CAMK1: variants seen among roughly 807,000 people sequenced by gnomAD.
The protein encoded by CAMK1 is calcium/calmodulin-dependent protein kinase type 1.
CAMK1 carries 39 observed loss-of-function variants against 49.1 expected under a neutral mutation model. The observed-to-expected ratio is 0.79, with a 90% CI of 0.62 to 1.04. The LOEUF (loss-of-function observed/expected upper bound fraction) is 1.04. CAMK1 is among the 50% of genes least tolerant of loss of function. The probability of loss-of-function intolerance (pLI) is 0.00; values close to 1 mark genes in which losing one functional copy is unlikely to be tolerated. For synonymous variants in CAMK1, 192 were observed against 185.2 expected (o/e 1.04, Z -0.30); for missense variants, 457 against 472.2 (o/e 0.97, Z 0.30).
In CAMK1 at chr3:9,763,197, T is replaced by G. The variant is rs760931282; in HGVS notation, c.232A>C (p.Ile78Leu). 1.2e-6 allele frequency: 2 copies of G among 1,613,848 alleles called. No individual in the cohort carries two copies. The highest frequency in any genetic ancestry group is 3.3e-5 in the Admixed American group (2 of 60,014). The stretch of plus-strand genomic sequence containing the variant: ...TCATAGATGTCATCCAGGGCTACAA[T>G]GTTGGGGTGCTTGATCCTGAAAGGA... ...AVLHKIKHPNIVALDDIYESG... is the reference protein window; with the variant it reads ...AVLHKIKHPNLVALDDIYESG... The change falls in exon 4 of 12, where the codon ATT becomes CTT. Residue 78 changes from isoleucine to leucine, a missense_variant. Ile to Leu is a conservative substitution (Grantham distance 5). Coordinates refer to ENST00000256460, the MANE Select transcript of CAMK1 (RefSeq NM_003656.5).
chr3:9,766,601 T>C (rs1169746641), intron 2 of CAMK1: 4 of 1,041,734 alleles, frequency 3.8e-6, no homozygotes, highest in Non-Finnish European at 3.6e-6. Flanking sequence ...TAAGAAGCAG[T>C]GTTTTAGAAC....
Position 9,765,763 on chromosome 3 carries a change from G to T in CAMK1, c.211C>A (p.His71Asn). 1 of 1,613,974 alleles carries T rather than the reference G, an allele frequency of 6.2e-7. No individual in the cohort carries two copies. Residue 71 changes from histidine (H) to asparagine (N), a missense_variant, in exon 3 of 12, where the codon CAC (histidine) becomes AAC (asparagine). Transcript: ENST00000256460. Reference protein sequence around the residue: ...GSMENEIAVLHKIKHPNIVAL... With the variant: ...GSMENEIAVLNKIKHPNIVAL... ...GAAAGGCTGTGGCCCACGCACTTGTGCAGGACAGCAATCTCATTCTCCATG... is the reference window on the plus strand; with the variant it reads ...GAAAGGCTGTGGCCCACGCACTTGTTCAGGACAGCAATCTCATTCTCCATG...
intron 2 of CAMK1, chr3:9,766,304 A>G (rs2078149605): frequency 1.4e-6 from 1 of 698,688 alleles, no homozygotes; most frequent in East Asian, 2.7e-5. Context: ...CTCTGGATCC[A>G]GCCATGCCTG....
chr3:9,761,401 G>A, intron 7 of CAMK1, 60 bp downstream of exon 7: 1 of 1,540,780 alleles, frequency 6.5e-7, no homozygotes, highest in Non-Finnish European at 8.8e-7. Flanking sequence ...AAGGAAGAGA[G>A]GAAAGTAGGC....
intron 7 of CAMK1, 109 bp from the exon 8 acceptor site, chr3:9,760,877 C>G: frequency 6.6e-7 from 1 of 1,508,678 alleles, no homozygotes; most frequent in Non-Finnish European, 9.0e-7. Context: ...AAGGAGTTCC[C>G]CCTTTATAAA....
In CAMK1 at chr3:9,757,625, C is replaced by T; in HGVS notation, c.1031-4G>A. ...CAGCAACAGCCAGCTGCCGGCCCTG[C>T]ATGGGAAGACAGAACAGAGGTGGCC... On this transcript the variant is annotated splice_polypyrimidine_tract_variant and splice_region_variant and intron_variant, in intron 11 of 11. Coordinates refer to ENST00000256460, the MANE Select transcript of CAMK1 (RefSeq NM_003656.5). This position sits in a 1 kb window ranked among gnomAD's most constrained non-coding sequence, Gnocchi z 4.5. 1 of 1,614,174 alleles carries T rather than the reference C, an allele frequency of 6.2e-7. No individual in the cohort carries two copies. Among genetic ancestry groups the T allele is most frequent in the Admixed American group, 1.7e-5 (1 of 60,018 alleles).
intron 1 of CAMK1, among the ~76,000 whole-genome samples, chr3:9,769,206 AAC>A (rs917107309): frequency 6.6e-6 from 1 of 151,126 alleles, no homozygotes; most frequent in Non-Finnish European, 1.5e-5. Context: ...TACACCCCAA[AAC>A]ACACATCCAC....
rs762000589 is a variant in CAMK1, at chr3:9,765,885, G to T, written c.89C>A (p.Ala30Asp). The T allele has an allele frequency of 1.2e-6, 2 of 1,614,028 alleles. No individual in the cohort carries two copies. Among genetic ancestry groups the T allele is most frequent in the Non-Finnish European group, 1.7e-6 (2 of 1,180,002 alleles). Residue 30 changes from alanine (A) to aspartate (D), a missense_variant, in exon 3 of 12, where the codon GCC (alanine) becomes GAC (aspartate). By Grantham distance (126) the Ala-to-Asp change is moderately radical. Coordinates refer to ENST00000256460, the MANE Select transcript of CAMK1 (RefSeq NM_003656.5). ...TTCTGCCAGGATCACCTCCGAGAAG[G>T]CCCCCCTATCGGGAGAGGGGATTCA... ...YDFRDVLGTG[A>D]FSEVILAEDK...
At chr3:9,769,547 C>G (rs1209178946) in intron 1 of CAMK1, among the ~76,000 whole-genome samples, 1 of 152,200 alleles carries the variant, frequency 6.6e-6, no homozygotes, top group East Asian at 1.9e-4. Context: ...CAAGCCCCCC[C>G]ACCCCATGGA....
At chr3:9,767,019 C>T (rs1415204357) in intron 2 of CAMK1, among the ~76,000 whole-genome samples, 1 of 152,134 alleles carries the variant, frequency 6.6e-6, no homozygotes, top group Non-Finnish European at 1.5e-5. Context: ...ATTTTAAGCT[C>T]CATCACACTC....
rs756959576 is a variant in CAMK1 at position 9,765,935 on chromosome 3, C to T, written c.84-45G>A. On this transcript the variant is annotated intron_variant, in intron 2 of 11. Coordinates refer to ENST00000256460, the MANE Select transcript of CAMK1 (RefSeq NM_003656.5). ...ACAAGGTGAAGAACTGGAACCCCAG[C>T]TTCCCTCCAGCCTCTCCTCCATTCC... 12 of 1,614,074 alleles carry T rather than the reference C, an allele frequency of 7.4e-6. No individual in the cohort carries two copies. The Admixed American group carries it at 1.8e-4, about 25-fold the overall frequency.
At chr3:9,761,569 T>C in intron 6 of CAMK1, 33 bp from the exon 7 acceptor site, 1 of 1,613,074 alleles carries the variant, frequency 6.2e-7, no homozygotes, top group Non-Finnish European at 8.5e-7. Flanking sequence ...TGGTGACAAA[T>C]CTCTGCCCTT....
At chr3:9,764,618 T>A (rs539871213) in intron 3 of CAMK1, among the ~76,000 whole-genome samples, 1 of 103,182 alleles carries the variant, frequency 9.7e-6, no homozygotes, top group Non-Finnish European at 1.9e-5. Flanking sequence ...GGCGTTTTTG[T>A]TTTTTTTTTG....
rs139097636 is a variant in CAMK1, at chr3:9,759,735, C to T, written c.761G>A (p.Arg254Gln). The T allele has an allele frequency of 1.9e-5, 31 of 1,613,982 alleles. No individual in the cohort carries two copies. Among genetic ancestry groups the T allele is most frequent in the Admixed American group, 6.7e-5 (4 of 59,978 alleles). ...CTCTGGGTCCTTCTCCATCAAGTGCCGGATGAAATCTTTGGCTAAACCCCC... is the reference window on the plus strand; with the variant it reads ...CTCTGGGTCCTTCTCCATCAAGTGCTGGATGAAATCTTTGGCTAAACCCCC... ...DISDSAKDFI[R>Q]HLMEKDPEKR... The change falls in exon 9 of 12, where the codon CGG (arginine) becomes CAG (glutamine). Residue 254 changes from arginine (R) to glutamine (Q), a missense_variant. By Grantham distance (43) the Arg-to-Gln change is conservative. Coordinates refer to ENST00000256460, the MANE Select transcript of CAMK1 (RefSeq NM_003656.5).
Position 9,762,957 on chromosome 3 carries a change from A to G in CAMK1, c.386T>C (p.Val129Ala), listed in dbSNP as rs761876706. 6.2e-7 allele frequency: 1 copy of G among 1,614,062 alleles called. No individual in the cohort carries two copies. Among genetic ancestry groups the G allele is most frequent in the Non-Finnish European group, 8.5e-7 (1 of 1,180,020 alleles). ...AATGCCCAGGTCATGCAGGTATTTCACAGCATCCAGCACCTGGAAGATGAG... is the reference window on the plus strand; with the variant it reads ...AATGCCCAGGTCATGCAGGTATTTCGCAGCATCCAGCACCTGGAAGATGAG... ...SRLIFQVLDA[V>A]KYLHDLGIVH... The change falls in exon 5 of 12, where the codon GTG becomes GCG. Residue 129 changes from valine to alanine, a missense_variant. By Grantham distance (64) the Val-to-Ala change is moderately conservative (BLOSUM62 0). Transcript: ENST00000256460.
Position 9,767,682 on chromosome 3 carries a change from C to T in CAMK1, c.68G>A (p.Arg23Gln), listed in dbSNP as rs749586067. Residue 23 changes from arginine (R) to glutamine (Q), a missense_variant, in exon 2 of 12, where the codon CGA becomes CAA. Transcript: ENST00000256460. ...AEDIRDIYDF[R>Q]DVLGTGAFSE... is the part of the protein sequence containing the mutation. ...CTGGACTCACGTGCCCAGAACATCT[C>T]GGAAGTCGTAGATGTCTCTAATGTC... is the stretch of plus-strand genomic sequence containing the variant. 1.1e-5 allele frequency: 18 copies of T among 1,614,018 alleles called. No homozygotes were observed. Among genetic ancestry groups the T allele is most frequent in the Middle Eastern group, 1.6e-4 (1 of 6,084 alleles).
At chr3:9,760,516 G>T in intron 8 of CAMK1, 140 bp downstream of exon 8, 1 of 752,576 alleles carries the variant, frequency 1.3e-6, no homozygotes, top group Non-Finnish European at 2.3e-6. Flanking sequence ...AGAAGGGGTA[G>T]GGTGTCTGGT....
chr3:9,760,237 C>T (rs559015611), intron 8 of CAMK1: 41 of 177,218 alleles, frequency 2.3e-4, no homozygotes, highest in Non-Finnish European at 3.5e-4. Context: ...AGCGAGACTG[C>T]GTCTCAAAAA....
chr3:9,765,903 G>A lies in CAMK1; in HGVS notation c.84-13C>T, dbSNP rs41276495. The A allele has an allele frequency of 6.9e-4, 1,121 of 1,613,956 alleles. 2 individuals are homozygous for A. Among genetic ancestry groups the A allele is most frequent in the South Asian group, 8.9e-4 (81 of 91,058 alleles). ...CGAGAAGGCCCCCCTATCGGGAGAG[G>A]GGATTCACAAGGTGAAGAACTGGAA... On this transcript the variant is annotated splice_polypyrimidine_tract_variant and intron_variant, in intron 2 of 11. Transcript: ENST00000256460.
Sources: allele counts gnomAD v4.1 joint callset (sites outside exome capture counted in the v4.1 genomes callset), GRCh38; gene constraint gnomAD v4.1.1; non-coding constraint Gnocchi (gnomAD v3.1); transcripts MANE v1.5; gene names NCBI Gene and HGNC (gene_info 2026-07-23, HGNC 2026-07-21).